The following PAX3 variants were observed in gnomAD, a reference collection of about 807,000 sequenced individuals.
PAX3 encodes paired box protein Pax-3.
In PAX3, 14 loss-of-function variants were observed where a neutral mutation model predicts 51.6. The ratio of observed to expected loss-of-function variants is 0.27; its 90% CI spans 0.18 to 0.42. The LOEUF (loss-of-function observed/expected upper bound fraction) is 0.42. Among genes scored for constraint, PAX3 ranks in the 10% least tolerant of loss-of-function variants. PAX3 has a pLI of 1.00. For synonymous variants in PAX3, 280 were observed against 253.4 expected, an observed-to-expected ratio of 1.11 and a Z score of -1.00; for missense variants, 540 against 642.8, an observed-to-expected ratio of 0.84 and a Z score of 1.73.
At position 222,200,855 on chromosome 2, in the gene PAX3, TA is replaced by T. The variant is rs1275895442; in HGVS notation, c.*552del. 2.5e-6 allele frequency: 1 copy of T among 399,258 alleles called. No individual in the cohort carries two copies. The highest frequency in any genetic ancestry group is 4.5e-6 in the Non-Finnish European group (1 of 221,152). 24.7% of individuals were successfully genotyped at this position (399,258 alleles called of 1,614,324 possible). On this transcript the variant is annotated 3_prime_UTR_variant, in exon 9 of 9. Transcript: ENST00000392070. Reference sequence around the variant, plus strand: ...CTAGCTTCCTAAAAATGGTTGCATTTATCTTTATTTCAATTTCCAGTGTGTA... The same window carrying T: ...CTAGCTTCCTAAAAATGGTTGCATTTTCTTTATTTCAATTTCCAGTGTGTA...
chr2:222,298,173 C>G, intron 1 of PAX3: 1 of 315,434 alleles, frequency 3.2e-6, no homozygotes, highest in Non-Finnish European at 5.9e-6. Context: ...GGGACAATTT[C>G]GAGACAACTT....
At position 222,217,608 on chromosome 2, in the gene PAX3, A is replaced by G. The variant is rs138551355; in HGVS notation, c.1173+2532T>C. ...GTGAGGAAAAGGAGAAATGGTAATC[A>G]TAACGCTATTAGTTATTCTCAGCAT... On this transcript the variant is annotated intron_variant, in intron 7 of 8. Coordinates refer to ENST00000392070, the MANE Select transcript of PAX3 (RefSeq NM_181458.4). Among the ~76,000 whole-genome samples, 544 of 85,062 alleles carry G rather than the reference A, an allele frequency of 6.4e-3. 3 individuals are homozygous for G. Among genetic ancestry groups the G allele is most frequent in the African/African-American group, 0.025 (532 of 21,184 alleles). The allele number at this position is 85,062 out of a possible 152,430, so 55.8% of individuals were successfully genotyped here. A position where few individuals can be genotyped will look rare whatever the true frequency, so the allele number is the denominator to read the frequency against.
At chr2:222,242,842 C>A (rs1693067788) in intron 4 of PAX3, among the ~76,000 whole-genome samples, 1 of 152,194 alleles carries the variant, frequency 6.6e-6, no homozygotes, top group Admixed American at 6.6e-5. Context: ...TTGAATAAGA[C>A]ATGAGTGTTC....
chr2:222,222,973 T>C (rs1692256075), intron 5 of PAX3, among the ~76,000 whole-genome samples: 1 of 152,202 alleles, frequency 6.6e-6, no homozygotes, highest in Non-Finnish European at 1.5e-5. Flanking sequence ...CATCCTGTCC[T>C]ACAGGGCAGG....
intron 3 of PAX3, among the ~76,000 whole-genome samples, chr2:222,294,747 G>A (rs1422080021): frequency 1.5e-5 from 2 of 131,562 alleles, no homozygotes; most frequent in East Asian, 2.2e-4. Context: ...AACCAAAGCC[G>A]ACTTGTCCGC....
chr2:222,225,916 GC>G (rs1465759970), intron 5 of PAX3, among the ~76,000 whole-genome samples: 6 of 152,160 alleles, frequency 3.9e-5, no homozygotes, highest in African/African-American at 1.4e-4. Flanking sequence ...ACAGGAAAGT[GC>G]CCAGAAAACA....
chr2:222,234,911 T>C (rs1692743130), intron 4 of PAX3, among the ~76,000 whole-genome samples: 1 of 152,228 alleles, frequency 6.6e-6, no homozygotes, highest in African/African-American at 2.4e-5. Flanking sequence ...CTAACCTTTC[T>C]TTCCAAAGTG....
intron 4 of PAX3, among the ~76,000 whole-genome samples, chr2:222,285,587 A>T (rs933837002): frequency 5.9e-5 from 9 of 152,230 alleles, no homozygotes; most frequent in Admixed American, 2.6e-4. Context: ...TGTGTATGTG[A>T]CCGTATCAGC....
chr2:222,233,676 C>T (rs1449993319), intron 4 of PAX3, among the ~76,000 whole-genome samples: 8 of 152,038 alleles, frequency 5.3e-5, no homozygotes, highest in African/African-American at 1.9e-4. Flanking sequence ...GGGTAGTGGG[C>T]AAAGATCTAT....
chr2:222,229,131 C>T (rs1053812230), intron 5 of PAX3, among the ~76,000 whole-genome samples: 2 of 151,546 alleles, frequency 1.3e-5, no homozygotes, highest in African/African-American at 4.8e-5. Context: ...TTATTTATAA[C>T]ATTGTTATAT....
At chr2:222,273,725 T>C (rs889405787) in intron 4 of PAX3, among the ~76,000 whole-genome samples, 1 of 152,240 alleles carries the variant, frequency 6.6e-6, no homozygotes, top group Non-Finnish European at 1.5e-5. Flanking sequence ...ATGATTGTTA[T>C]TTAGTTGCAG....
At chr2:222,289,235 ACT>A (rs1361442509) in intron 4 of PAX3, among the ~76,000 whole-genome samples, 14 of 151,732 alleles carry the variant, frequency 9.2e-5, no homozygotes, top group African/African-American at 2.9e-4. Context: ...CCCAAGCCAA[ACT>A]CTCATTTCTC....
intron 4 of PAX3, among the ~76,000 whole-genome samples, chr2:222,268,635 G>A (rs1456450145): frequency 2.0e-5 from 3 of 152,164 alleles, no homozygotes; most frequent in African/African-American, 7.2e-5. Flanking sequence ...GGGGGTTGGG[G>A]GGCAGAGGGG....
intron 7 of PAX3, among the ~76,000 whole-genome samples, chr2:222,215,548 G>T (rs1691921027): frequency 6.6e-6 from 1 of 151,920 alleles, no homozygotes; most frequent in African/African-American, 2.4e-5. Flanking sequence ...TTGTTTTGGG[G>T]GTTTGGCTAT....
chr2:222,285,165 G>T (rs1052559533), intron 4 of PAX3, among the ~76,000 whole-genome samples: 9 of 152,126 alleles, frequency 5.9e-5, no homozygotes, highest in Admixed American at 4.6e-4. Context: ...TTTAGTTCAG[G>T]TTAAGCTCAA....
intron 4 of PAX3, chr2:222,293,783 T>C (rs761361420): frequency 9.3e-6 from 15 of 1,614,000 alleles, no homozygotes; most frequent in South Asian, 8.8e-5. Context: ...CTACTTCAAC[T>C]TCTGAAGATT....
chr2:222,212,839 G>A (rs1691798131), intron 7 of PAX3, among the ~76,000 whole-genome samples: 1 of 152,174 alleles, frequency 6.6e-6, no homozygotes, highest in African/African-American at 2.4e-5. Context: ...GGTTGATTCA[G>A]GCCATTGGCC....
intron 4 of PAX3, among the ~76,000 whole-genome samples, chr2:222,279,643 A>G (rs1159758254): frequency 2.6e-5 from 4 of 152,326 alleles, no homozygotes; most frequent in African/African-American, 9.6e-5. Context: ...GAATTTTCCA[A>G]GCACCAGAAA....
rs1691256816 is a variant in PAX3, at chr2:222,200,748, G to A, written c.*660C>T. 1 of 273,142 alleles carries A rather than the reference G, an allele frequency of 3.7e-6. No individual in the cohort carries two copies. The highest frequency in any genetic ancestry group is 7.0e-6 in the Non-Finnish European group (1 of 142,264). 16.9% of individuals were successfully genotyped at this position (273,142 alleles called of 1,614,324 possible). ...AGCCCATATCCTGTTAGCAAGACAT[G>A]TCCGGGCCATTTATTGACAACTAGA... On this transcript the variant is annotated 3_prime_UTR_variant, in exon 9 of 9. Transcript: ENST00000392070.
Sources: gnomAD v4.1 joint callset for allele counts (sites outside exome capture counted in the v4.1 genomes callset) on GRCh38, gnomAD v4.1.1 for gene constraint, MANE v1.5 for transcripts, NCBI Gene and HGNC (gene_info 2026-07-23, HGNC 2026-07-21) for gene names.